ZNF521: variants seen among roughly 807,000 people sequenced by gnomAD.
ZNF521 encodes zinc finger protein 521.
A neutral mutation model predicts 105.5 loss-of-function variants in ZNF521; 14 were observed. The observed-to-expected ratio is 0.13, with a 90% CI of 0.09 to 0.21. The LOEUF is 0.21. Among genes scored for constraint, ZNF521 ranks in the 10% least tolerant of loss-of-function variants. The pLI, the probability that ZNF521 is intolerant of heterozygous loss-of-function variation, is 1.00. For synonymous variants in ZNF521, 635 were observed against 606.0 expected, an observed-to-expected ratio of 1.05 and a Z score of -0.70; for missense variants, 1,233 against 1,629.7, an observed-to-expected ratio of 0.76 and a Z score of 4.19.
intron 4 of ZNF521, among the ~76,000 whole-genome samples, chr18:25,217,590 T>C (rs1206820356): frequency 6.6e-6 from 1 of 152,168 alleles, no homozygotes; most frequent in East Asian, 1.9e-4. Flanking sequence ...AGGTGGTCAT[T>C]TGTCCTGCAA....
intron 5 of ZNF521, among the ~76,000 whole-genome samples, chr18:25,164,731 T>C (rs1350011500): frequency 6.6e-6 from 1 of 152,238 alleles, no homozygotes; most frequent in Non-Finnish European, 1.5e-5. Context: ...GAGATCACAC[T>C]GCTGCCCCTC....
intron 3 of ZNF521, among the ~76,000 whole-genome samples, chr18:25,255,847 C>T (rs1170397042): frequency 6.6e-6 from 1 of 151,792 alleles, no homozygotes; most frequent in Admixed American, 6.6e-5. Flanking sequence ...TGTCCATGTT[C>T]ACTGCAGCAT....
intron 1 of ZNF521, chr18:25,351,168 C>T: frequency 6.8e-6 from 1 of 147,428 alleles, no homozygotes; most frequent in Non-Finnish European, 1.5e-5. Context: ...GCGGCGGCGG[C>T]GGCGGCTGCT....
intron 7 of ZNF521, among the ~76,000 whole-genome samples, chr18:25,083,198 T>A (rs1202876937): frequency 6.6e-6 from 1 of 152,166 alleles, no homozygotes; most frequent in Non-Finnish European, 1.5e-5. Flanking sequence ...TGTTTAGTTT[T>A]GTAGTTAGAG....
chr18:25,159,328 A>G (rs190088334), intron 5 of ZNF521, among the ~76,000 whole-genome samples: 1 of 152,296 alleles, frequency 6.6e-6, no homozygotes, highest in East Asian at 1.9e-4. Flanking sequence ...TATGTTGCCC[A>G]AAGTTTGGAT....
At chr18:25,336,292 C>T (rs922789354) in intron 2 of ZNF521, among the ~76,000 whole-genome samples, 2 of 152,054 alleles carry the variant, frequency 1.3e-5, no homozygotes, top group East Asian at 1.9e-4. Flanking sequence ...ATCATCCCCT[C>T]GTTCCACTAA....
At chr18:25,273,579 G>C (rs983997437) in intron 3 of ZNF521, 1 of 152,074 alleles carries the variant, frequency 6.6e-6, no homozygotes, top group Non-Finnish European at 1.5e-5. Flanking sequence ...GCCTTTTCTG[G>C]TCCATAGCTT....
chr18:25,096,800 C>G (rs974842239), intron 5 of ZNF521, among the ~76,000 whole-genome samples: 3 of 152,172 alleles, frequency 2.0e-5, no homozygotes, highest in African/African-American at 7.2e-5. Flanking sequence ...CTGCATAAAT[C>G]TATAGGCTAA....
In ZNF521 at chr18:25,272,003, C is replaced by T. The variant is rs370856795; in HGVS notation, c.221-44306G>A. On this transcript the variant is annotated intron_variant, in intron 3 of 7. Transcript: ENST00000361524. ...CCTACAGAATGGGAGAAAATATTTGCAATCTATCCATCTGACAAAGTGCTA... is the reference window on the plus strand; with the variant it reads ...CCTACAGAATGGGAGAAAATATTTGTAATCTATCCATCTGACAAAGTGCTA... 2.6e-4 allele frequency among the ~76,000 whole-genome samples: 40 copies of T among 152,084 alleles called. 1 individual carries two copies. The East Asian group carries it at 3.5e-3, about 13-fold the overall frequency.
At position 25,351,355 on chromosome 18, in the gene ZNF521, T is replaced by C. The variant is rs1201278184; in HGVS notation, c.-1-408A>G. ...AAATCCGTTACTATTTCCACCTCAA[T>C]CAAAATTCACATAGTTCATGCGAAT... is the stretch of plus-strand genomic sequence containing the variant. On this transcript the variant is annotated intron_variant, in intron 1 of 7. Coordinates refer to ENST00000361524, the MANE Select transcript of ZNF521 (RefSeq NM_015461.3). The C allele has an allele frequency of 2.7e-5, 4 of 147,324 alleles. No homozygotes were observed. The East Asian group carries it at 8.3e-4, about 30-fold the overall frequency. The allele number at this position is 147,324 out of a possible 1,614,324, so 9.1% of individuals were successfully genotyped here. A position where few individuals can be genotyped will look rare whatever the true frequency, so the allele number is the denominator to read the frequency against.
intron 5 of ZNF521, among the ~76,000 whole-genome samples, chr18:25,149,677 T>C (rs1441971318): frequency 1.3e-5 from 2 of 152,188 alleles, no homozygotes; most frequent in Non-Finnish European, 2.9e-5. Context: ...ATGACATTTC[T>C]GTTGCAACCT....
At chr18:25,236,412 T>C (rs1346992478) in intron 3 of ZNF521, among the ~76,000 whole-genome samples, 1 of 151,958 alleles carries the variant, frequency 6.6e-6, no homozygotes, top group East Asian at 1.9e-4. Context: ...GGCATGCGTC[T>C]GTAGTACCAG....
intron 2 of ZNF521, 178 bp from the exon 3 acceptor site, chr18:25,322,365 T>G (rs938607138): frequency 1.3e-6 from 1 of 754,434 alleles, no homozygotes; most frequent in Non-Finnish European, 2.4e-6. Context: ...AATTATTCAG[T>G]TAGTGACTAT....
At chr18:25,149,145 T>A (rs577472452) in intron 5 of ZNF521, among the ~76,000 whole-genome samples, 1 of 152,286 alleles carries the variant, frequency 6.6e-6, no homozygotes, top group East Asian at 1.9e-4. Context: ...GATGAAGCAT[T>A]AAGGCACAGG....
At chr18:25,239,779 T>C (rs1169763862) in intron 3 of ZNF521, among the ~76,000 whole-genome samples, 1 of 152,130 alleles carries the variant, frequency 6.6e-6, no homozygotes, top group East Asian at 1.9e-4. Flanking sequence ...GAGCTGGAAA[T>C]AGGAGGGGGG....
intron 7 of ZNF521, among the ~76,000 whole-genome samples, chr18:25,085,651 ATATGTG>A (rs1254568783): frequency 8.5e-5 from 9 of 105,514 alleles, no homozygotes; most frequent in South Asian, 3.9e-4. Flanking sequence ...CCCCATATAT[ATATGTG>A]TGTGTGTGTG....
chr18:25,174,365 G>C (rs1423483053), intron 5 of ZNF521, among the ~76,000 whole-genome samples: 1 of 152,118 alleles, frequency 6.6e-6, no homozygotes, highest in Non-Finnish European at 1.5e-5. Flanking sequence ...CCAGGGAGTG[G>C]AAATTCATAT....
Position 25,225,765 on chromosome 18 carries a change from G to A in ZNF521, c.2153C>T (p.Thr718Ile), listed in dbSNP as rs745502341. ...GAGGGTGCAGCGAAAGAAGACAAAG[G>A]TGTGCATGTCCAGCAGGTGTTTCTG... ...DLQKHLLDMH[T>I]FVFFRCTLCQ... is the part of the protein sequence containing the mutation. The change falls in exon 4 of 8, where the codon ACC becomes ATC. Residue 718 changes from threonine to isoleucine, a missense_variant. Thr to Ile is a moderately conservative substitution (Grantham distance 89). Transcript: ENST00000361524. This position sits in a 1 kb window ranked among gnomAD's most constrained non-coding sequence, Gnocchi z 5.6. The A allele has an allele frequency of 5.0e-6, 8 of 1,614,234 alleles. No individual in the cohort carries two copies. The South Asian group carries it at 7.7e-5, about 16-fold the overall frequency.
intron 7 of ZNF521, among the ~76,000 whole-genome samples, chr18:25,080,804 GC>G (rs2033476766): frequency 6.6e-6 from 1 of 152,176 alleles, no homozygotes; most frequent in Admixed American, 6.5e-5. Flanking sequence ...GTCTATTCTT[GC>G]CACTTTGTCT....
Sources: gnomAD v4.1 joint callset for allele counts (sites outside exome capture counted in the v4.1 genomes callset) on GRCh38, gnomAD v4.1.1 for gene constraint, Gnocchi (gnomAD v3.1) non-coding constraint, MANE v1.5 for transcripts, NCBI Gene and HGNC (gene_info 2026-07-23, HGNC 2026-07-21) for gene names.